The following DLC1 variants were observed in gnomAD, a reference collection of about 807,000 sequenced individuals.
DLC1 encodes DLC1 Rho GTPase activating protein, also known as rho GTPase-activating protein 7.
Under a neutral mutation model 140.3 loss-of-function variants are expected in DLC1, and 54 were observed. That is an observed-to-expected ratio of 0.38 (90% CI 0.31 to 0.48). The LOEUF is 0.48. Among genes scored for constraint, DLC1 ranks in the 20% least tolerant of loss-of-function variants. DLC1 has a pLI of 0.96. For synonymous variants in DLC1, 986 were observed against 728.1 expected (o/e 1.35, Z -5.70); for missense variants, 2,536 against 1,907.0 (o/e 1.33, Z -6.14).
At chr8:13,323,120 A>G (rs1006186756) in intron 4 of DLC1, among the ~76,000 whole-genome samples, 6 of 152,174 alleles carry the variant, frequency 3.9e-5, no homozygotes, top group Non-Finnish European at 1.5e-5. Flanking sequence ...GATCCACTCA[A>G]CTAAGCTCTG....
intron 1 of DLC1, among the ~76,000 whole-genome samples, chr8:13,582,637 C>G (rs1313120263): frequency 6.6e-6 from 1 of 151,736 alleles, no homozygotes; most frequent in East Asian, 1.9e-4. Context: ...CTGCAAACGG[C>G]CTATTGCGGG....
At chr8:13,196,207 T>G (rs534887960) in intron 5 of DLC1, among the ~76,000 whole-genome samples, 1 of 152,152 alleles carries the variant, frequency 6.6e-6, no homozygotes, top group East Asian at 1.9e-4. Flanking sequence ...GAGAGGTGTT[T>G]AAAAGGGACT....
At chr8:13,458,954 AT>A (rs57345120) in intron 2 of DLC1, among the ~76,000 whole-genome samples, 5,051 of 152,322 alleles carry the variant, frequency 0.033, 273 homozygotes, top group African/African-American at 0.11. Flanking sequence ...TATAAACAGC[AT>A]TTTTTGTAGA....
intron 5 of DLC1, chr8:13,276,307 C>T (rs1295725252): frequency 2.0e-6 from 3 of 1,535,632 alleles, no homozygotes; most frequent in Non-Finnish European, 2.6e-6. Context: ...ACATCCAGGG[C>T]TCTGGCCGTG....
intron 4 of DLC1, among the ~76,000 whole-genome samples, chr8:13,390,980 GTC>G (rs1836729306): frequency 9.6e-6 from 1 of 103,878 alleles, no homozygotes; most frequent in Non-Finnish European, 2.1e-5. Context: ...GCGAGACTCC[GTC>G]TCAAAAAAAA....
chr8:13,530,659 C>T (rs996324326), intron 1 of DLC1, among the ~76,000 whole-genome samples: 4 of 152,164 alleles, frequency 2.6e-5, no homozygotes, highest in South Asian at 4.1e-4. Flanking sequence ...ATAGTTGTTT[C>T]ACCACTTGAC....
At chr8:13,092,552 G>A (rs775739963) in intron 13 of DLC1, 60 bp downstream of exon 13, 2 of 1,552,258 alleles carry the variant, frequency 1.3e-6, no homozygotes, top group East Asian at 2.3e-5. Flanking sequence ...CAGCTACGGA[G>A]AGTCCTAGGA....
At chr8:13,289,856 A>G (rs917891038) in intron 5 of DLC1, among the ~76,000 whole-genome samples, 1 of 152,194 alleles carries the variant, frequency 6.6e-6, no homozygotes, top group African/African-American at 2.4e-5. Flanking sequence ...CCATGTCTGC[A>G]TATGGAATTA....
chr8:13,357,457 G>T (rs758901827), intron 4 of DLC1, among the ~76,000 whole-genome samples: 14 of 152,210 alleles, frequency 9.2e-5, no homozygotes, highest in Admixed American at 9.2e-4. Flanking sequence ...GCCCCAGCAC[G>T]TTGTGAGATG....
chr8:13,594,551 C>A (rs374593207), intron 1 of DLC1, among the ~76,000 whole-genome samples: 2 of 152,082 alleles, frequency 1.3e-5, no homozygotes, highest in Non-Finnish European at 2.9e-5. Flanking sequence ...CGATTTTCTG[C>A]GTAAGTCTTC....
chr8:13,453,950 G>T (rs1397893234), intron 2 of DLC1, among the ~76,000 whole-genome samples: 1 of 152,064 alleles, frequency 6.6e-6, no homozygotes, highest in Non-Finnish European at 1.5e-5. Flanking sequence ...AGAATATACT[G>T]TGAAACCTTC....
At chr8:13,320,896 C>T (rs1455088312) in intron 4 of DLC1, among the ~76,000 whole-genome samples, 1 of 152,086 alleles carries the variant, frequency 6.6e-6, no homozygotes, top group East Asian at 1.9e-4. Context: ...AACCTTTCTC[C>T]CCAGCTGTCT....
chr8:13,152,625 C>G (rs760367431), intron 5 of DLC1, among the ~76,000 whole-genome samples: 1 of 150,780 alleles, frequency 6.6e-6, no homozygotes, highest in East Asian at 2.0e-4. Flanking sequence ...TGGAGAAACA[C>G]CACCTCTACC....
At chr8:13,298,549 C>G (rs13271968) in intron 5 of DLC1, among the ~76,000 whole-genome samples, 1 of 152,172 alleles carries the variant, frequency 6.6e-6, no homozygotes, top group Non-Finnish European at 1.5e-5. Flanking sequence ...AGACAATATT[C>G]TTAACCTAGA....
intron 5 of DLC1, among the ~76,000 whole-genome samples, chr8:13,302,401 G>T (rs1429527193): frequency 1.3e-5 from 2 of 150,230 alleles, no homozygotes; most frequent in African/African-American, 4.9e-5. Flanking sequence ...TTCAAAGGCT[G>T]TTTCAAACTT....
chr8:13,442,851 TG>T (rs1798585767), intron 2 of DLC1, among the ~76,000 whole-genome samples: 1 of 152,224 alleles, frequency 6.6e-6, no homozygotes, highest in African/African-American at 2.4e-5. Flanking sequence ...ATCCCATTAC[TG>T]GGTGTATACC....
intron 4 of DLC1, among the ~76,000 whole-genome samples, chr8:13,324,659 A>C (rs1322479265): frequency 6.6e-6 from 1 of 151,960 alleles, no homozygotes; most frequent in Non-Finnish European, 1.5e-5. Context: ...GCTAACCTTC[A>C]TAAGCTCAGC....
chr8:13,405,913 T>TTCC, intron 2 of DLC1, among the ~76,000 whole-genome samples: 1 of 111,936 alleles, frequency 8.9e-6, no homozygotes, highest in African/African-American at 3.4e-5. Flanking sequence ...CTTTCTTTCT[T>TTCC]TTCTTTTCTT....
rs372344109 is a variant in DLC1, at chr8:13,100,279, C to A, written c.2058G>T (p.Ala686=). ...TGATGATCAACCCCAGCTTTGAGGG[C>A]GCTTTGTGCTTGCTGTGATGGGAGC... The part of the protein sequence containing the change: ...LKSSHHSKHK[A]PSKLGLIISG... The change falls in exon 9 of 18, where the codon GCG becomes GCT. Residue 686 remains alanine (A), a synonymous_variant. Transcript: ENST00000276297. 1 of 1,613,990 alleles carries A rather than the reference C, an allele frequency of 6.2e-7. No individual in the cohort carries two copies. The highest frequency in any genetic ancestry group is 8.5e-7 in the Non-Finnish European group (1 of 1,180,046).
Sources: gnomAD v4.1 joint callset for allele counts (sites outside exome capture counted in the v4.1 genomes callset) on GRCh38, gnomAD v4.1.1 for gene constraint, MANE v1.5 for transcripts, NCBI Gene and HGNC (gene_info 2026-07-23, HGNC 2026-07-21) for gene names.